UBASH3B: variants seen among roughly 807,000 people sequenced by gnomAD.
UBASH3B encodes the protein ubiquitin-associated and SH3 domain-containing protein B.
In UBASH3B, 37 loss-of-function variants were observed where a neutral mutation model predicts 83.4. That is an observed-to-expected ratio of 0.44 (90% CI 0.34 to 0.58). The LOEUF (loss-of-function observed/expected upper bound fraction) is 0.58, where lower values mean the gene tolerates loss of function less well. UBASH3B is among the 20% of genes least tolerant of loss of function. The pLI, the probability that UBASH3B is intolerant of heterozygous loss-of-function variation, is 0.01. For missense variants in UBASH3B, 657 were observed against 827.2 expected (o/e 0.79, Z 2.52); for synonymous variants, 304 against 318.3 (o/e 0.96, Z 0.48).
intron 3 of UBASH3B, among the ~76,000 whole-genome samples, chr11:122,778,115 T>C (rs1860774465): frequency 6.8e-6 from 1 of 146,426 alleles, no homozygotes; most frequent in African/African-American, 2.5e-5. Flanking sequence ...TAGAGAAGAG[T>C]TGATTTATCT....
intron 1 of UBASH3B, among the ~76,000 whole-genome samples, chr11:122,664,903 G>A (rs11606532): frequency 0.34 from 51,940 of 152,096 alleles, 9,174 homozygotes; most frequent in Non-Finnish European, 0.38. Flanking sequence ...AGTGACCCTC[G>A]GAGGGCAGGC....
At chr11:122,673,564 C>T (rs1002746258) in intron 1 of UBASH3B, among the ~76,000 whole-genome samples, 1 of 152,122 alleles carries the variant, frequency 6.6e-6, no homozygotes, top group Non-Finnish European at 1.5e-5. Context: ...GAGGCTGAGG[C>T]AGGAGAATGG....
intron 1 of UBASH3B, among the ~76,000 whole-genome samples, chr11:122,671,969 G>A (rs964037485): frequency 6.6e-6 from 1 of 152,042 alleles, no homozygotes; most frequent in African/African-American, 2.4e-5. Flanking sequence ...TGGGGCACCA[G>A]CCGCTGCCCC....
At chr11:122,804,378 G>A (rs1861303744) in intron 11 of UBASH3B, among the ~76,000 whole-genome samples, 1 of 152,098 alleles carries the variant, frequency 6.6e-6, no homozygotes. Context: ...GCAGGATATG[G>A]GCAAGTTTCC....
intron 1 of UBASH3B, among the ~76,000 whole-genome samples, chr11:122,658,106 G>A (rs1053302911): frequency 2.0e-5 from 3 of 151,432 alleles, no homozygotes; most frequent in African/African-American, 7.3e-5. Context: ...AGCCCAGTAG[G>A]TGGAGGTTGT....
Position 122,668,385 on chromosome 11 carries a change from C to T in UBASH3B, c.161+12175C>T, listed in dbSNP as rs75457931. 4.9e-4 allele frequency among the ~76,000 whole-genome samples: 75 copies of T among 152,290 alleles called. 5 individuals are homozygous for T. In the East Asian group the frequency reaches 0.014, roughly 29 times the overall value. On this transcript the variant is annotated intron_variant, in intron 1 of 13. Coordinates refer to ENST00000284273, the MANE Select transcript of UBASH3B (RefSeq NM_032873.5). ...TTTCATATGGTTTTCTCTGTCTTTT[C>T]CTTTTGCTCCTCTCTTGCTTCTGGC...
intron 11 of UBASH3B, among the ~76,000 whole-genome samples, chr11:122,802,744 C>T (rs1861279900): frequency 6.6e-6 from 1 of 152,150 alleles, no homozygotes; most frequent in African/African-American, 2.4e-5. Flanking sequence ...TATGAATACA[C>T]TTCACATTTT....
At chr11:122,668,301 A>C (rs1863548722) in intron 1 of UBASH3B, among the ~76,000 whole-genome samples, 1 of 152,152 alleles carries the variant, frequency 6.6e-6, no homozygotes, top group Non-Finnish European at 1.5e-5. Flanking sequence ...TCAGCTTTCT[A>C]ACAAGGTTTT....
intron 1 of UBASH3B, among the ~76,000 whole-genome samples, chr11:122,689,724 G>C (rs1326714570): frequency 1.3e-5 from 2 of 152,138 alleles, no homozygotes; most frequent in African/African-American, 4.8e-5. Context: ...TGCAAGTCCA[G>C]GCTTCTGGAA....
intron 1 of UBASH3B, among the ~76,000 whole-genome samples, chr11:122,683,582 G>A (rs1863770496): frequency 6.9e-6 from 1 of 144,168 alleles, no homozygotes; most frequent in African/African-American, 2.5e-5. Context: ...TTCAGCCTGG[G>A]GGACAGAGCG....
chr11:122,754,391 CA>C (rs1861251154), intron 1 of UBASH3B, among the ~76,000 whole-genome samples: 1 of 152,132 alleles, frequency 6.6e-6, no homozygotes, highest in Non-Finnish European at 1.5e-5. Flanking sequence ...GAACATAGAA[CA>C]GTAATTGGAG....
At chr11:122,693,333 C>T (rs891894961) in intron 1 of UBASH3B, among the ~76,000 whole-genome samples, 3 of 152,152 alleles carry the variant, frequency 2.0e-5, no homozygotes, top group Non-Finnish European at 4.4e-5. Context: ...GATGGCTTAG[C>T]TTGGGCTCAG....
chr11:122,743,705 T>TG (rs1420829003), intron 1 of UBASH3B, among the ~76,000 whole-genome samples: 18 of 152,322 alleles, frequency 1.2e-4, no homozygotes, highest in African/African-American at 4.3e-4. Flanking sequence ...TCTTTCACTT[T>TG]GGAGTGGGGT....
intron 5 of UBASH3B, among the ~76,000 whole-genome samples, chr11:122,786,047 TTTTTG>T (rs1860943998): frequency 1.3e-5 from 2 of 150,980 alleles, no homozygotes; most frequent in African/African-American, 4.9e-5. Flanking sequence ...TTGTTTTTGT[TTTTTG>T]TTTTTTGTTT....
At chr11:122,786,525 T>C (rs1351991889) in intron 5 of UBASH3B, among the ~76,000 whole-genome samples, 3 of 152,042 alleles carry the variant, frequency 2.0e-5, no homozygotes, top group Non-Finnish European at 2.9e-5. Context: ...GGTTTGGTGG[T>C]ACACACCTGT....
At chr11:122,675,327 T>C (rs1863653452) in intron 1 of UBASH3B, among the ~76,000 whole-genome samples, 1 of 152,230 alleles carries the variant, frequency 6.6e-6, no homozygotes, top group Non-Finnish European at 1.5e-5. Context: ...GAAAGTGTTT[T>C]AAGAGTTGTT....
In UBASH3B at chr11:122,806,939, T is replaced by G. The variant is rs1861351877; in HGVS notation, c.1702+423T>G. ...AGCAGTGTTGTATAAGGCTCAAGTG[T>G]GTTTGCTATTGAATTTTCTAAACAC... On this transcript the variant is annotated intron_variant, in intron 12 of 13. Coordinates refer to ENST00000284273, the MANE Select transcript of UBASH3B (RefSeq NM_032873.5). The surrounding 1 kb of genome is among the most constrained non-coding windows in gnomAD (Gnocchi z 4.0). Among the ~76,000 whole-genome samples, 1 of 152,214 alleles carries G rather than the reference T, an allele frequency of 6.6e-6. No homozygotes were observed. The highest frequency in any genetic ancestry group is 1.5e-5 in the Non-Finnish European group (1 of 68,040).
At chr11:122,794,893 T>A in intron 7 of UBASH3B, 59 bp downstream of exon 7, 1 of 1,604,330 alleles carries the variant, frequency 6.2e-7, no homozygotes, top group Non-Finnish European at 8.5e-7. Context: ...TGAGAACCTA[T>A]TTATTAAGCA....
At chr11:122,733,926 C>T (rs1860889160) in intron 1 of UBASH3B, among the ~76,000 whole-genome samples, 1 of 152,050 alleles carries the variant, frequency 6.6e-6, no homozygotes, top group Non-Finnish European at 1.5e-5. Flanking sequence ...CACTCTGTCG[C>T]CCAGGCTGGA....
Sources: allele counts gnomAD v4.1 joint callset (sites outside exome capture counted in the v4.1 genomes callset), GRCh38; gene constraint gnomAD v4.1.1; non-coding constraint Gnocchi (gnomAD v3.1); transcripts MANE v1.5; gene names NCBI Gene and HGNC (gene_info 2026-07-23, HGNC 2026-07-21).